Variants in ELMO1 observed in about 807,000 individuals in gnomAD.
ELMO1 encodes engulfment and cell motility 1.
In ELMO1, 26 loss-of-function variants were observed where a neutral mutation model predicts 98.9. That is an observed-to-expected ratio of 0.26 (90% CI 0.19 to 0.36). The LOEUF (loss-of-function observed/expected upper bound fraction) is 0.36, where lower values mean the gene tolerates loss of function less well. Among genes scored for constraint, ELMO1 ranks in the 10% least tolerant of loss-of-function variants. The probability of loss-of-function intolerance (pLI) is 1.00; values close to 1 mark genes in which losing one functional copy is unlikely to be tolerated. For missense variants in ELMO1, 627 were observed against 935.2 expected (o/e 0.67, Z 4.30); for synonymous variants, 346 against 346.0 (o/e 1.00, Z 0.00).
intron 21 of ELMO1, among the ~76,000 whole-genome samples, chr7:36,857,320 T>C (rs1802277297): frequency 6.6e-6 from 1 of 152,188 alleles, no homozygotes; most frequent in Non-Finnish European, 1.5e-5. Flanking sequence ...ACCTAGCTCC[T>C]ACCTTGGAGA....
At chr7:37,208,039 T>C (rs1388366812) in intron 13 of ELMO1, among the ~76,000 whole-genome samples, 1 of 152,238 alleles carries the variant, frequency 6.6e-6, no homozygotes, top group Non-Finnish European at 1.5e-5. Flanking sequence ...TTGTGGTTTA[T>C]TACCTTTTAA....
At chr7:36,913,597 T>C (rs1784483658) in intron 16 of ELMO1, among the ~76,000 whole-genome samples, 1 of 152,152 alleles carries the variant, frequency 6.6e-6, no homozygotes, top group African/African-American at 2.4e-5. Context: ...AAACGCCACA[T>C]ACGAGTCAAC....
intron 1 of ELMO1, among the ~76,000 whole-genome samples, chr7:37,382,698 C>T (rs1369319814): frequency 1.3e-5 from 2 of 152,052 alleles, no homozygotes; most frequent in Non-Finnish European, 2.9e-5. Context: ...CAGTCTGCCA[C>T]CCTGGGAAGC....
At chr7:37,083,075 TA>T (rs1783563285) in intron 15 of ELMO1, among the ~76,000 whole-genome samples, 1 of 152,200 alleles carries the variant, frequency 6.6e-6, no homozygotes, top group African/African-American at 2.4e-5. Flanking sequence ...TTTCCCCGCC[TA>T]GGAACATGAG....
At chr7:37,139,672 T>C (rs1229871031) in intron 13 of ELMO1, among the ~76,000 whole-genome samples, 1 of 152,132 alleles carries the variant, frequency 6.6e-6, no homozygotes, top group Non-Finnish European at 1.5e-5. Flanking sequence ...ATGCAATTCC[T>C]ATCCAAATAC....
intron 2 of ELMO1, among the ~76,000 whole-genome samples, chr7:37,326,057 A>G (rs1799784061): frequency 6.6e-6 from 1 of 152,174 alleles, no homozygotes; most frequent in South Asian, 2.1e-4. Context: ...CTATCTTCCT[A>G]ATAACAGCCT....
At chr7:37,191,384 C>T (rs888139004) in intron 13 of ELMO1, among the ~76,000 whole-genome samples, 1 of 151,598 alleles carries the variant, frequency 6.6e-6, no homozygotes, top group African/African-American at 2.4e-5. Context: ...CAAAAATCTA[C>T]CTCATGGAAA....
intron 16 of ELMO1, among the ~76,000 whole-genome samples, chr7:37,013,032 A>T (rs1357432716): frequency 6.6e-6 from 1 of 152,200 alleles, no homozygotes; most frequent in Non-Finnish European, 1.5e-5. Context: ...AACGTGTCCC[A>T]AGAAAAACTC....
intron 10 of ELMO1, among the ~76,000 whole-genome samples, chr7:37,219,633 C>T (rs911990008): frequency 6.6e-6 from 1 of 152,168 alleles, no homozygotes; most frequent in Non-Finnish European, 1.5e-5. Flanking sequence ...CAGGAGAATT[C>T]TATGAGTGAC....
intron 2 of ELMO1, among the ~76,000 whole-genome samples, chr7:37,331,500 TATAAG>T (rs1273499422): frequency 6.6e-6 from 1 of 151,868 alleles, no homozygotes; most frequent in Non-Finnish European, 1.5e-5. Context: ...ATTTTTCACT[TATAAG>T]ATGTCTAATT....
chr7:37,279,542 C>T (rs2717976), intron 4 of ELMO1, among the ~76,000 whole-genome samples: 72,097 of 151,922 alleles, frequency 0.47, 17,446 homozygotes, highest in Middle Eastern at 0.62. Flanking sequence ...GAAAGGGAGA[C>T]CCTCTTCTCC....
intron 13 of ELMO1, among the ~76,000 whole-genome samples, chr7:37,182,462 CTTTTTTTTTT>C (rs59657539): frequency 1.4e-4 from 2 of 14,706 alleles, no homozygotes; most frequent in Non-Finnish European, 2.3e-4. Context: ...TTGTGCTCTA[CTTTTTTTTTT>C]TTTTTTTTTT....
chr7:36,999,771 T>G (rs1792504843), intron 16 of ELMO1, among the ~76,000 whole-genome samples: 1 of 151,432 alleles, frequency 6.6e-6, no homozygotes, highest in Non-Finnish European at 1.5e-5. Flanking sequence ...CATGTCATCT[T>G]TGTGTGTGTG....
chr7:36,992,153 C>T (rs1283378519), intron 16 of ELMO1, among the ~76,000 whole-genome samples: 2 of 152,162 alleles, frequency 1.3e-5, no homozygotes, highest in African/African-American at 2.4e-5. Context: ...AGAAATAACA[C>T]CAGGATCCAC....
At chr7:37,323,009 A>G (rs1490226752) in intron 2 of ELMO1, among the ~76,000 whole-genome samples, 1 of 152,222 alleles carries the variant, frequency 6.6e-6, no homozygotes, top group African/African-American at 2.4e-5. Context: ...TTAGGCAGTT[A>G]CCACATTTCT....
chr7:37,281,734 T>A (rs1797153493), intron 4 of ELMO1, among the ~76,000 whole-genome samples: 1 of 152,210 alleles, frequency 6.6e-6, no homozygotes, highest in Non-Finnish European at 1.5e-5. Context: ...ACACATGACA[T>A]TTGGAATAAA....
At chr7:37,444,394 T>C (rs1240846657) in intron 1 of ELMO1, among the ~76,000 whole-genome samples, 1 of 152,134 alleles carries the variant, frequency 6.6e-6, no homozygotes, top group African/African-American at 2.4e-5. Context: ...GGTTAAAGAG[T>C]TATTGCAAAG....
intron 13 of ELMO1, among the ~76,000 whole-genome samples, chr7:37,162,156 CA>C (rs1352653334): frequency 6.6e-6 from 1 of 151,448 alleles, no homozygotes; most frequent in Non-Finnish European, 1.5e-5. Context: ...TCTGAAGACC[CA>C]ACCTTGCGTT....
chr7:37,236,967 C>T (rs1027443350), intron 7 of ELMO1, among the ~76,000 whole-genome samples: 1 of 152,180 alleles, frequency 6.6e-6, no homozygotes, highest in Non-Finnish European at 1.5e-5. Flanking sequence ...AACCACATGG[C>T]ACATCCAGGA....
Sources: allele counts gnomAD v4.1 joint callset (sites outside exome capture counted in the v4.1 genomes callset), GRCh38; gene constraint gnomAD v4.1.1; transcripts MANE v1.5; gene names NCBI Gene and HGNC (gene_info 2026-07-23, HGNC 2026-07-21).